NUP107: variants seen among roughly 807,000 people sequenced by gnomAD.
NUP107 encodes the protein nucleoporin 107, also known as nuclear pore complex protein Nup107.
In NUP107, 101 loss-of-function variants were observed where a neutral mutation model predicts 141.0. The ratio of observed to expected loss-of-function variants is 0.72; its 90% confidence interval spans 0.61 to 0.84. The LOEUF (loss-of-function observed/expected upper bound fraction) is 0.84. Among genes scored for constraint, NUP107 ranks in the 40% least tolerant of loss-of-function variants. The pLI, the probability that NUP107 is intolerant of heterozygous loss-of-function variation, is 0.00. For missense variants in NUP107, 941 were observed against 1,102.7 expected (o/e 0.85, Z 2.08); for synonymous variants, 319 against 363.9 (o/e 0.88, Z 1.41).
At chr12:68,720,042 A>G (rs1354393759) in intron 14 of NUP107, among the ~76,000 whole-genome samples, 1 of 152,204 alleles carries the variant, frequency 6.6e-6, no homozygotes, top group Non-Finnish European at 1.5e-5. Flanking sequence ...AGGTGGGTCT[A>G]CCAGGTTGGA....
intron 17 of NUP107, among the ~76,000 whole-genome samples, chr12:68,725,271 C>G (rs562454081): frequency 6.6e-5 from 10 of 152,010 alleles, no homozygotes; most frequent in Admixed American, 6.6e-4. Context: ...TGTACCTGAT[C>G]ACTATTTTTT....
chr12:68,741,073 AAAG>A (rs1425541844), intron 26 of NUP107, among the ~76,000 whole-genome samples: 1 of 152,000 alleles, frequency 6.6e-6, no homozygotes, highest in African/African-American at 2.4e-5. Flanking sequence ...TTAAAAAAGA[AAAG>A]AAAAAAAAAA....
At chr12:68,688,671 C>T (rs1311263243) in intron 1 of NUP107, among the ~76,000 whole-genome samples, 1 of 152,166 alleles carries the variant, frequency 6.6e-6, no homozygotes, top group Non-Finnish European at 1.5e-5. Context: ...TTATCTAAAA[C>T]AGTGTTATAA....
In NUP107 at chr12:68,731,186, A is replaced by C; in HGVS notation, c.1811A>C (p.Gln604Pro). 1.2e-6 allele frequency: 2 copies of C among 1,612,448 alleles called. No homozygotes were observed. The highest frequency in any genetic ancestry group is 1.7e-6 in the Non-Finnish European group (2 of 1,179,198). The change falls in exon 21 of 28, where the codon CAG (glutamine) becomes CCG (proline). Residue 604 changes from glutamine to proline, a missense_variant. Physicochemically the swap from Gln to Pro is moderately conservative, Grantham distance 76. Transcript: ENST00000229179. ...TTGCCTCAAGACCTAGCTGTTGCCC[A>C]GTATGCATTATTTTTGGAAAGTGTT... ...CHLPQDLAVAQYALFLESVTE... is the reference protein window; with the variant it reads ...CHLPQDLAVAPYALFLESVTE...
In NUP107 at chr12:68,727,764, G is replaced by T. The variant is rs543580884; in HGVS notation, c.1734+375G>T. Among the ~76,000 whole-genome samples, 28 of 152,198 alleles carry T rather than the reference G, an allele frequency of 1.8e-4. No homozygotes were observed. The South Asian group carries it at 5.8e-3, about 32-fold the overall frequency. On this transcript the variant is annotated intron_variant, in intron 20 of 27. Transcript: ENST00000229179. ...AGGACCCCCACATATAACAAAATCT[G>T]TGTATACTCATGTCCCACAGTTGGC...
chr12:68,731,031 T>G, intron 20 of NUP107, 79 bp from the exon 21 acceptor site: 3 of 882,022 alleles, frequency 3.4e-6, no homozygotes, highest in Non-Finnish European at 5.1e-6. Context: ...TGTATGAACC[T>G]CTCCTGAATA....
At chr12:68,732,586 A>G (rs773611070) in intron 22 of NUP107, 51 bp from the exon 23 acceptor site, 30 of 1,027,720 alleles carry the variant, frequency 2.9e-5, no homozygotes, top group Non-Finnish European at 4.0e-5. Context: ...GAATATCTTT[A>G]AAAAAAAAAC....
intron 3 of NUP107, 55 bp downstream of exon 3, chr12:68,689,674 T>G: frequency 9.6e-7 from 1 of 1,043,656 alleles, no homozygotes; most frequent in South Asian, 1.3e-5. Context: ...TAATAGCAAC[T>G]AACATTTATT....
intron 20 of NUP107, among the ~76,000 whole-genome samples, chr12:68,730,064 C>T (rs984746893): frequency 6.6e-6 from 1 of 151,794 alleles, no homozygotes; most frequent in Non-Finnish European, 1.5e-5. Flanking sequence ...TGGGCTCAAA[C>T]AGTCTTCTCC....
chr12:68,743,119 TG>T lies in NUP107; in HGVS notation c.*660del, dbSNP rs1248341258. The T allele has an allele frequency of 6.6e-6, 1 of 152,252 alleles. No homozygotes were observed. The highest frequency in any genetic ancestry group is 1.5e-5 in the Non-Finnish European group (1 of 68,088). The allele number at this position is 152,252 out of a possible 1,614,324, so 9.4% of individuals were successfully genotyped here. ...GTCATTTAAAAATACAAGTAGTGGC[TG>T]GGTGCAGTGGCTCACGTCTGTAACC... On this transcript the variant is annotated 3_prime_UTR_variant, in exon 28 of 28. Transcript: ENST00000229179.
chr12:68,734,321 A>G (rs1242084461), intron 24 of NUP107, among the ~76,000 whole-genome samples: 5 of 152,172 alleles, frequency 3.3e-5, no homozygotes, highest in African/African-American at 1.2e-4. Context: ...TATTCAATAA[A>G]TAATTATGTA....
chr12:68,733,185 T>G (rs1265654669), intron 23 of NUP107, among the ~76,000 whole-genome samples: 1 of 152,204 alleles, frequency 6.6e-6, no homozygotes, highest in African/African-American at 2.4e-5. Flanking sequence ...ATCTCAAGGC[T>G]ATCCGACTTT....
At chr12:68,704,897 G>A (rs935003104) in intron 8 of NUP107, among the ~76,000 whole-genome samples, 6 of 150,628 alleles carry the variant, frequency 4.0e-5, no homozygotes, top group Admixed American at 1.3e-4. Flanking sequence ...TGGCCAGCAC[G>A]GCGGGGACAT....
rs559841541 is a variant in NUP107 at position 68,687,016 on chromosome 12, G to C, written c.-50G>C. ...CCGGAGAGCGGGAAGGCTAAAACGC[G>C]GTAGCTAAACTGCAGCCAACTTTGG... On this transcript the variant is annotated 5_prime_UTR_variant, in exon 1 of 28. Coordinates refer to ENST00000229179, the MANE Select transcript of NUP107 (RefSeq NM_020401.4). 1.2e-6 allele frequency: 2 copies of C among 1,613,802 alleles called. No homozygotes were observed. The highest frequency in any genetic ancestry group is 2.2e-5 in the East Asian group (1 of 44,872).
chr12:68,714,787 C>T (rs989910100), intron 11 of NUP107, among the ~76,000 whole-genome samples: 1 of 152,122 alleles, frequency 6.6e-6, no homozygotes, highest in Non-Finnish European at 1.5e-5. Flanking sequence ...GAGATTTGTA[C>T]TTATTTATTA....
chr12:68,738,657 A>G (rs1309863191), intron 26 of NUP107, among the ~76,000 whole-genome samples: 1 of 152,126 alleles, frequency 6.6e-6, no homozygotes, highest in East Asian at 1.9e-4. Flanking sequence ...TTTTTAAATA[A>G]CTGGAATAGT....
In NUP107 at chr12:68,724,571, G is replaced by A. The variant is rs1398312512; in HGVS notation, c.1507-1156G>A. ...GCAGGAGGATCACTTGAGCTCAGGAGTTTGAGACCGGCATGGACAACATGG... is the reference window on the plus strand; with the variant it reads ...GCAGGAGGATCACTTGAGCTCAGGAATTTGAGACCGGCATGGACAACATGG... On this transcript the variant is annotated intron_variant, in intron 17 of 27. Coordinates refer to ENST00000229179, the MANE Select transcript of NUP107 (RefSeq NM_020401.4). 3.3e-5 allele frequency among the ~76,000 whole-genome samples: 5 copies of A among 152,084 alleles called. No individual in the cohort carries two copies. In the East Asian group the frequency reaches 9.6e-4, roughly 29 times the overall value.
chr12:68,691,887 C>A lies in NUP107; in HGVS notation c.304-81C>A. ...ATACATACATATAATTTTTAGAAAC[C>A]TTATTTGTTTTTAAAGTATCCACTC... On this transcript the variant is annotated intron_variant, in intron 4 of 27. Coordinates refer to ENST00000229179, the MANE Select transcript of NUP107 (RefSeq NM_020401.4). 12 of 1,161,910 alleles carry A rather than the reference C, an allele frequency of 1.0e-5. No individual in the cohort carries two copies. The South Asian group carries it at 1.1e-4, about 11-fold the overall frequency. 72.0% of individuals were successfully genotyped at this position (1,161,910 alleles called of 1,614,324 possible).
chr12:68,727,540 G>T (rs937198628), intron 20 of NUP107, 151 bp downstream of exon 20: 4 of 497,636 alleles, frequency 8.0e-6, no homozygotes, highest in Admixed American at 7.0e-5. Context: ...TTTGAATAAT[G>T]CAGGGATTAG....
Sources: allele counts gnomAD v4.1 joint callset (sites outside exome capture counted in the v4.1 genomes callset), GRCh38; gene constraint gnomAD v4.1.1; transcripts MANE v1.5; gene names NCBI Gene and HGNC (gene_info 2026-07-23, HGNC 2026-07-21).